Variants in FBXL7 observed in about 807,000 individuals in gnomAD.
FBXL7 encodes the protein F-box/LRR-repeat protein 7.
FBXL7 carries 12 observed loss-of-function variants against 38.3 expected under a neutral mutation model. The ratio of observed to expected loss-of-function variants is 0.31; its 90% confidence interval spans 0.20 to 0.51. The LOEUF (loss-of-function observed/expected upper bound fraction) is 0.51, where lower values mean the gene tolerates loss of function less well. Ranked by LOEUF, FBXL7 falls within the 20% of genes least tolerant of loss-of-function variation. FBXL7 has a pLI of 0.98. For synonymous variants in FBXL7, 297 were observed against 300.9 expected (o/e 0.99, Z 0.13); for missense variants, 567 against 676.4 (o/e 0.84, Z 1.79).
chr5:15,712,763 GC>G (rs1743917807), intron 2 of FBXL7, among the ~76,000 whole-genome samples: 1 of 152,134 alleles, frequency 6.6e-6, no homozygotes, highest in Non-Finnish European at 1.5e-5. Context: ...ATTGAGGGTG[GC>G]ATTGCTGTCT....
At chr5:15,543,614 T>C (rs1737818694) in intron 1 of FBXL7, among the ~76,000 whole-genome samples, 1 of 152,186 alleles carries the variant, frequency 6.6e-6, no homozygotes, top group Non-Finnish European at 1.5e-5. Flanking sequence ...ATCTCCATGA[T>C]ACTGGAAACA....
chr5:15,704,391 T>C (rs546549961), intron 2 of FBXL7, among the ~76,000 whole-genome samples: 10 of 152,228 alleles, frequency 6.6e-5, no homozygotes, highest in Non-Finnish European at 1.3e-4. Context: ...ACTAAAACTG[T>C]AGACTGTTTA....
At chr5:15,712,364 A>G (rs1472963297) in intron 2 of FBXL7, among the ~76,000 whole-genome samples, 3 of 151,834 alleles carry the variant, frequency 2.0e-5, no homozygotes, top group South Asian at 4.1e-4. Flanking sequence ...AAAAAAAAAA[A>G]AAACCTAAAA....
chr5:15,847,210 G>A (rs1738933690), intron 2 of FBXL7, among the ~76,000 whole-genome samples: 1 of 152,128 alleles, frequency 6.6e-6, no homozygotes, highest in African/African-American at 2.4e-5. Context: ...AAGGAAAGAG[G>A]TTTAATTGAC....
At chr5:15,634,857 C>A (rs1741131382) in intron 2 of FBXL7, among the ~76,000 whole-genome samples, 1 of 152,034 alleles carries the variant, frequency 6.6e-6, no homozygotes, top group Admixed American at 6.6e-5. Flanking sequence ...GTAGCATAGC[C>A]TCTGCAAGTC....
At chr5:15,778,887 T>A (rs1736924453) in intron 2 of FBXL7, among the ~76,000 whole-genome samples, 1 of 152,192 alleles carries the variant, frequency 6.6e-6, no homozygotes, top group Non-Finnish European at 1.5e-5. Context: ...AGGGATAATG[T>A]GTTTAATAGC....
intron 1 of FBXL7, among the ~76,000 whole-genome samples, chr5:15,505,459 A>G (rs192806592): frequency 1.8e-4 from 27 of 152,156 alleles, no homozygotes; most frequent in African/African-American, 5.6e-4. Flanking sequence ...CAGGACTCAT[A>G]GATTCTTAGG....
chr5:15,806,760 C>T (rs1376263953), intron 2 of FBXL7, among the ~76,000 whole-genome samples: 1 of 152,094 alleles, frequency 6.6e-6, no homozygotes, highest in African/African-American at 2.4e-5. Context: ...AGGGGGCCCA[C>T]GTATAGCTAG....
At chr5:15,525,602 G>T (rs1737229502) in intron 1 of FBXL7, among the ~76,000 whole-genome samples, 1 of 152,038 alleles carries the variant, frequency 6.6e-6, no homozygotes, top group Non-Finnish European at 1.5e-5. Context: ...GCATTGCTGT[G>T]TGTGTGTGGG....
At chr5:15,501,847 C>A in intron 1 of FBXL7, 1 of 589,790 alleles carries the variant, frequency 1.7e-6, no homozygotes, top group Non-Finnish European at 2.1e-6. Context: ...CATGTTTTGA[C>A]TTCCATATGT....
chr5:15,508,134 C>T (rs1467284377), intron 1 of FBXL7, among the ~76,000 whole-genome samples: 1 of 152,170 alleles, frequency 6.6e-6, no homozygotes, highest in Non-Finnish European at 1.5e-5. Flanking sequence ...TAAATATTCT[C>T]AGAAGACTTA....
At chr5:15,721,996 G>T (rs572182317) in intron 2 of FBXL7, among the ~76,000 whole-genome samples, 1 of 151,976 alleles carries the variant, frequency 6.6e-6, no homozygotes, top group Non-Finnish European at 1.5e-5. Flanking sequence ...CACCACAGTC[G>T]GCTAATTTTT....
chr5:15,782,490 G>C (rs1057497035), intron 2 of FBXL7, among the ~76,000 whole-genome samples: 1 of 152,064 alleles, frequency 6.6e-6, no homozygotes, highest in African/African-American at 2.4e-5. Context: ...CCAGCATCTC[G>C]TTTCCTGACT....
intron 2 of FBXL7, among the ~76,000 whole-genome samples, chr5:15,637,841 G>A (rs905748797): frequency 2.0e-5 from 3 of 152,210 alleles, no homozygotes; most frequent in Non-Finnish European, 4.4e-5. Flanking sequence ...CCCAGCAAAA[G>A]CGATGTCATA....
intron 2 of FBXL7, among the ~76,000 whole-genome samples, chr5:15,911,430 A>C (rs1236794432): frequency 1.4e-5 from 2 of 138,374 alleles, no homozygotes; most frequent in African/African-American, 6.8e-5. Flanking sequence ...ATTCTTCTAA[A>C]TTTTTTTCAA....
chr5:15,704,269 C>G (rs1743614760), intron 2 of FBXL7, among the ~76,000 whole-genome samples: 1 of 152,194 alleles, frequency 6.6e-6, no homozygotes, highest in African/African-American at 2.4e-5. Context: ...CCAGCTCCCT[C>G]ATCTGTTAAT....
intron 1 of FBXL7, among the ~76,000 whole-genome samples, chr5:15,599,066 G>A (rs777324902): frequency 9.9e-5 from 15 of 152,176 alleles, no homozygotes; most frequent in Non-Finnish European, 1.9e-4. Flanking sequence ...GCTCAGAGAT[G>A]CCTACTGGTG....
At chr5:15,655,793 T>G (rs1348645222) in intron 2 of FBXL7, among the ~76,000 whole-genome samples, 1 of 152,202 alleles carries the variant, frequency 6.6e-6, no homozygotes. Context: ...ACTCGTTTCA[T>G]ATTAACTGCA....
intron 2 of FBXL7, among the ~76,000 whole-genome samples, chr5:15,623,510 C>T (rs984973917): frequency 3.9e-5 from 6 of 152,154 alleles, no homozygotes; most frequent in Non-Finnish European, 8.8e-5. Flanking sequence ...CATGAGTTCT[C>T]ATGTTTTCAG....
Sources: allele counts gnomAD v4.1 joint callset (sites outside exome capture counted in the v4.1 genomes callset), GRCh38; gene constraint gnomAD v4.1.1; transcripts MANE v1.5; gene names NCBI Gene and HGNC (gene_info 2026-07-23, HGNC 2026-07-21).